The following CDYL2 variants were observed in gnomAD, a reference collection of about 807,000 sequenced individuals.
CDYL2 encodes the protein chromodomain Y-like protein 2.
Under a neutral mutation model 49.4 loss-of-function variants are expected in CDYL2, and 23 were observed. That is an observed-to-expected ratio of 0.47 (90% CI 0.34 to 0.66). The LOEUF (loss-of-function observed/expected upper bound fraction) is 0.66. CDYL2 is among the 30% of genes least tolerant of loss of function. CDYL2 has a pLI of 0.01. For synonymous variants in CDYL2, 360 were observed against 268.8 expected, an observed-to-expected ratio of 1.34 and a Z score of -3.32; for missense variants, 678 against 656.4, an observed-to-expected ratio of 1.03 and a Z score of -0.36.
At chr16:80,617,912 G>A (rs761390574) in intron 4 of CDYL2, among the ~76,000 whole-genome samples, 4 of 152,136 alleles carry the variant, frequency 2.6e-5, no homozygotes, top group Non-Finnish European at 5.9e-5. Context: ...CACCAAGGAC[G>A]ACTGACATCA....
chr16:80,687,497 G>C (rs1370124246), intron 1 of CDYL2, among the ~76,000 whole-genome samples: 1 of 152,080 alleles, frequency 6.6e-6, no homozygotes, highest in Non-Finnish European at 1.5e-5. Context: ...TAGATGGATA[G>C]ATGGATGGTA....
At chr16:80,657,390 G>A (rs1908856416) in intron 2 of CDYL2, among the ~76,000 whole-genome samples, 1 of 152,032 alleles carries the variant, frequency 6.6e-6, no homozygotes, top group Non-Finnish European at 1.5e-5. Flanking sequence ...CAGATAAAAG[G>A]CTAATATCCC....
chr16:80,800,878 A>G (rs1198143544), intron 1 of CDYL2, among the ~76,000 whole-genome samples: 6 of 152,228 alleles, frequency 3.9e-5, no homozygotes, highest in Admixed American at 2.6e-4. Context: ...CATCTTAGCA[A>G]AAGATTGACT....
At chr16:80,640,106 G>C (rs185311459) in intron 2 of CDYL2, among the ~76,000 whole-genome samples, 2 of 152,264 alleles carry the variant, frequency 1.3e-5, no homozygotes, top group East Asian at 3.9e-4. Context: ...TAGACTCAGG[G>C]GGCACACAAT....
At chr16:80,640,744 G>A (rs9928252) in intron 2 of CDYL2, among the ~76,000 whole-genome samples, 24,045 of 151,936 alleles carry the variant, frequency 0.16, 6,137 homozygotes, top group African/African-American at 0.54. Flanking sequence ...AATTTAACAC[G>A]GAGATTGAAA....
chr16:80,647,576 C>T (rs1350519236), intron 2 of CDYL2, among the ~76,000 whole-genome samples: 11 of 151,984 alleles, frequency 7.2e-5, no homozygotes, highest in African/African-American at 2.7e-4. Flanking sequence ...GAGACAGACC[C>T]CAGGAAAATA....
intron 1 of CDYL2, among the ~76,000 whole-genome samples, chr16:80,776,228 A>C (rs1200244138): frequency 6.6e-6 from 1 of 152,122 alleles, no homozygotes; most frequent in Non-Finnish European, 1.5e-5. Context: ...CAAACATCAA[A>C]CGTGAAAATA....
chr16:80,662,401 C>T (rs947210249), intron 2 of CDYL2, among the ~76,000 whole-genome samples: 4 of 152,210 alleles, frequency 2.6e-5, no homozygotes, highest in African/African-American at 4.8e-5. Context: ...AAGTCCCCTA[C>T]TTTTTGATGG....
chr16:80,754,721 C>G (rs1906250467), intron 1 of CDYL2, among the ~76,000 whole-genome samples: 1 of 152,186 alleles, frequency 6.6e-6, no homozygotes, highest in Non-Finnish European at 1.5e-5. Flanking sequence ...ACATAGCACA[C>G]CTGGCATAGA....
In CDYL2 at chr16:80,653,776, T is replaced by C. The variant is rs536993868; in HGVS notation, c.617-20540A>G. ...AGTTCATTAAAAATGATGACAATGCTTCCCAGGTGATTCAGACATGCAGGC... is the reference window on the plus strand; with the variant it reads ...AGTTCATTAAAAATGATGACAATGCCTCCCAGGTGATTCAGACATGCAGGC... On this transcript the variant is annotated intron_variant, in intron 2 of 6. Transcript: ENST00000570137. Among the ~76,000 whole-genome samples the C allele has an allele frequency of 3.3e-5, 5 of 152,360 alleles. No individual in the cohort carries two copies. In the South Asian group the frequency reaches 1.0e-3, roughly 32 times the overall value.
intron 1 of CDYL2, among the ~76,000 whole-genome samples, chr16:80,800,427 C>T (rs1233045802): frequency 6.6e-6 from 1 of 152,154 alleles, no homozygotes; most frequent in East Asian, 1.9e-4. Context: ...AGCTCTTTAG[C>T]GGTCTGCCTC....
intron 1 of CDYL2, among the ~76,000 whole-genome samples, chr16:80,708,497 T>C (rs971550190): frequency 1.3e-5 from 2 of 152,140 alleles, no homozygotes; most frequent in Admixed American, 1.3e-4. Context: ...AATTACCCAG[T>C]CTCGGGTAGG....
At chr16:80,784,823 A>G (rs891715804) in intron 1 of CDYL2, among the ~76,000 whole-genome samples, 1 of 152,152 alleles carries the variant, frequency 6.6e-6, no homozygotes, top group South Asian at 2.1e-4. Context: ...CCCCAAGAAT[A>G]TATCACAAGG....
intron 2 of CDYL2, among the ~76,000 whole-genome samples, chr16:80,664,427 G>T (rs1405257801): frequency 2.0e-5 from 3 of 152,110 alleles, no homozygotes; most frequent in Non-Finnish European, 4.4e-5. Flanking sequence ...GGTGTCCTGG[G>T]CCTTCCTGAG....
chr16:80,791,709 C>T (rs1230874368), intron 1 of CDYL2, among the ~76,000 whole-genome samples: 1 of 152,072 alleles, frequency 6.6e-6, no homozygotes, highest in Non-Finnish European at 1.5e-5. Context: ...ATTCAAGGAA[C>T]TGAAAACAGA....
At chr16:80,753,877 A>G (rs1023171484) in intron 1 of CDYL2, among the ~76,000 whole-genome samples, 1 of 152,248 alleles carries the variant, frequency 6.6e-6, no homozygotes, top group African/African-American at 2.4e-5. Flanking sequence ...TTTATGATAC[A>G]TATTTCTTAC....
chr16:80,654,057 T>A (rs1908700565), intron 2 of CDYL2, among the ~76,000 whole-genome samples: 1 of 152,142 alleles, frequency 6.6e-6, no homozygotes, highest in Non-Finnish European at 1.5e-5. Context: ...GCCAATGAAG[T>A]GAGTGACTGC....
At chr16:80,676,963 ATTT>A (rs35188796) in intron 2 of CDYL2, among the ~76,000 whole-genome samples, 19 of 60,088 alleles carry the variant, frequency 3.2e-4, no homozygotes, top group African/African-American at 8.0e-4. Flanking sequence ...AATTCAATGT[ATTT>A]TTTTTTTTTT....
At chr16:80,687,544 A>AGATG (rs1441203354) in intron 1 of CDYL2, among the ~76,000 whole-genome samples, 9 of 151,988 alleles carry the variant, frequency 5.9e-5, no homozygotes, top group South Asian at 4.2e-4. Context: ...ATAAATGAAT[A>AGATG]GATGGATGGA....
Sources: gnomAD v4.1 joint callset for allele counts (sites outside exome capture counted in the v4.1 genomes callset) on GRCh38, gnomAD v4.1.1 for gene constraint, MANE v1.5 for transcripts, NCBI Gene and HGNC (gene_info 2026-07-23, HGNC 2026-07-21) for gene names.